Variants in RTF2 observed in about 807,000 individuals in gnomAD.
The protein encoded by RTF2 is replication termination factor 2.
A neutral mutation model predicts 38.0 loss-of-function variants in RTF2; 18 were observed. The observed-to-expected ratio is 0.47, with a 90% CI of 0.33 to 0.70. The LOEUF is 0.70. Ranked by LOEUF, RTF2 falls within the 30% of genes least tolerant of loss-of-function variation. The pLI, the probability that RTF2 is intolerant of heterozygous loss-of-function variation, is 0.02. For missense variants in RTF2, 311 were observed against 379.6 expected (o/e 0.82, Z 1.50); for synonymous variants, 126 against 137.1 (o/e 0.92, Z 0.57).
chr20:56,478,837 CCTT>C (rs1178646653), intron 4 of RTF2, among the ~76,000 whole-genome samples: 2 of 152,174 alleles, frequency 1.3e-5, no homozygotes, highest in African/African-American at 2.4e-5. Flanking sequence ...CCACAGTAGA[CCTT>C]CTTTCAAAAT....
At position 56,497,241 on chromosome 20, in the gene RTF2, A is replaced by T. The variant is rs758002318; in HGVS notation, c.477+13052A>T. The stretch of plus-strand genomic sequence containing the variant: ...AATAGCTCTGAGAAGCTGCACAAAC[A>T]TGGCCAGCTCCTTATGAATAGTTAT... On this transcript the variant is annotated intron_variant, in intron 5 of 8. Coordinates refer to ENST00000357348, the MANE Select transcript of RTF2 (RefSeq NM_016407.5). 4 of 1,551,856 alleles carry T rather than the reference A, an allele frequency of 2.6e-6. No individual in the cohort carries two copies. The South Asian group carries it at 4.8e-5, about 18-fold the overall frequency.
In RTF2 at chr20:56,506,232, T is replaced by C. The variant is rs374541381; in HGVS notation, c.478-7083T>C. On this transcript the variant is annotated intron_variant, in intron 5 of 8. Transcript: ENST00000357348. ...AACATGAAGACAAAATGCTTCCTGCTTGGGGCTAACAGTGTAGTGGAGGAA... is the reference window on the plus strand; with the variant it reads ...AACATGAAGACAAAATGCTTCCTGCCTGGGGCTAACAGTGTAGTGGAGGAA... Among the ~76,000 whole-genome samples the C allele has an allele frequency of 3.3e-5, 5 of 152,320 alleles. 1 individual carries two copies. Among genetic ancestry groups the C allele is most frequent in the East Asian group, 1.9e-4 (1 of 5,186 alleles).
chr20:56,477,499 C>A (rs1006725025), intron 4 of RTF2, among the ~76,000 whole-genome samples: 1 of 152,064 alleles, frequency 6.6e-6, no homozygotes, highest in Non-Finnish European at 1.5e-5. Context: ...ATCCCATTTC[C>A]TTCCTGTTAC....
chr20:56,518,225 A>G lies in RTF2; in HGVS notation c.881A>G (p.Glu294Gly). The G allele has an allele frequency of 1.2e-6, 2 of 1,613,998 alleles. No homozygotes were observed. The highest frequency in any genetic ancestry group is 1.7e-6 in the Non-Finnish European group (2 of 1,179,952). ...AGCTCCGCCAAGCGCTCCAAGGAGG[A>G]GTCTGCCCACTGGGTCACCCACACG... Reference protein sequence around the residue: ...THSSAKRSKEESAHWVTHTSY... With the variant: ...THSSAKRSKEGSAHWVTHTSY... Residue 294 changes from glutamate (E) to glycine (G), a missense_variant, in exon 9 of 9, where the codon GAG becomes GGG. Physicochemically the swap from Glu to Gly is moderately conservative, Grantham distance 98 (BLOSUM62 -2). Transcript: ENST00000357348.
chr20:56,470,896 T>C (rs572102509), intron 1 of RTF2: 1 of 273,970 alleles, frequency 3.7e-6, no homozygotes, highest in South Asian at 3.5e-5. Context: ...TTTATCTGGC[T>C]ATTTATTTGT....
rs917511960 is a variant in RTF2, at chr20:56,491,698, G to A, written c.477+7509G>A. 2.0e-5 allele frequency: 31 copies of A among 1,552,136 alleles called. 1 individual carries two copies. The African/African-American group carries it at 2.5e-4, about 12-fold the overall frequency. ...CCACAAGCGGGTCTGTCGAGGGTTC[G>A]AATTTGTTGGCAAACAGAGAAGGCG... On this transcript the variant is annotated intron_variant, in intron 5 of 8. Transcript: ENST00000357348.
chr20:56,510,785 C>CA (rs1272834150), intron 5 of RTF2, among the ~76,000 whole-genome samples: 1 of 151,982 alleles, frequency 6.6e-6, no homozygotes, highest in African/African-American at 2.4e-5. Context: ...ACAAAAAATA[C>CA]AAAAATTAGC....
At chr20:56,504,041 A>G (rs1261475311) in intron 5 of RTF2, 3 of 152,216 alleles carry the variant, frequency 2.0e-5, no homozygotes, top group Admixed American at 1.3e-4. Flanking sequence ...CTGCATAGCT[A>G]TTGAGACGCT....
In RTF2 at chr20:56,518,107, G is replaced by A; in HGVS notation, c.763G>A (p.Gly255Arg). Residue 255 changes from glycine to arginine, a missense_variant, in exon 9 of 9, where the codon GGA (glycine) becomes AGA (arginine). Transcript: ENST00000357348. The part of the protein sequence containing the change: ...KSTAMNESSS[G>R]KAGKPPCGAT... ...TCTAGCAATGAATGAGAGCTCTTCTGGAAAAGCTGGGAAGCCTCCGTGTGG... is the reference window on the plus strand; with the variant it reads ...TCTAGCAATGAATGAGAGCTCTTCTAGAAAAGCTGGGAAGCCTCCGTGTGG... 6.2e-7 allele frequency: 1 copy of A among 1,611,106 alleles called. No homozygotes were observed. Among genetic ancestry groups the A allele is most frequent in the Non-Finnish European group, 8.5e-7 (1 of 1,179,180 alleles).
At chr20:56,480,454 A>T (rs1282705016) in intron 4 of RTF2, among the ~76,000 whole-genome samples, 1 of 152,332 alleles carries the variant, frequency 6.6e-6, no homozygotes, top group South Asian at 2.1e-4. Flanking sequence ...AACTTTCTTC[A>T]TATCAGCAAT....
At chr20:56,483,154 C>T (rs192569251) in intron 4 of RTF2, among the ~76,000 whole-genome samples, 11 of 152,236 alleles carry the variant, frequency 7.2e-5, no homozygotes, top group African/African-American at 2.6e-4. Flanking sequence ...TGCTATACTA[C>T]ACAACTTCCT....
At chr20:56,503,629 T>C (rs1424894443) in intron 5 of RTF2, among the ~76,000 whole-genome samples, 1 of 152,182 alleles carries the variant, frequency 6.6e-6, no homozygotes, top group Non-Finnish European at 1.5e-5. Context: ...TTCTAATATT[T>C]TAAAACCACA....
intron 5 of RTF2, chr20:56,496,505 GCCACTGCACT>G: frequency 1.1e-6 from 1 of 943,424 alleles, no homozygotes; most frequent in Non-Finnish European, 1.5e-6. Flanking sequence ...CCGAGATCGC[GCCACTGCACT>G]CCAGCCTCGG....
At chr20:56,490,356 A>C (rs1473202055) in intron 5 of RTF2, among the ~76,000 whole-genome samples, 1 of 152,168 alleles carries the variant, frequency 6.6e-6, no homozygotes, top group Non-Finnish European at 1.5e-5. Context: ...ACTCTTTTAG[A>C]GAAGGAGGAT....
At chr20:56,494,510 C>G (rs1487215400) in intron 5 of RTF2, among the ~76,000 whole-genome samples, 2 of 152,192 alleles carry the variant, frequency 1.3e-5, no homozygotes, top group African/African-American at 4.8e-5. Context: ...CAGGGAGCCC[C>G]TGCTTTCTAA....
chr20:56,489,426 G>A (rs1449259000), intron 5 of RTF2, among the ~76,000 whole-genome samples: 1 of 152,120 alleles, frequency 6.6e-6, no homozygotes, highest in Non-Finnish European at 1.5e-5. Flanking sequence ...GGGGGCAGGT[G>A]TTTGTTTCAA....
chr20:56,513,529 C>A, intron 6 of RTF2, 101 bp downstream of exon 6: 1 of 1,449,638 alleles, frequency 6.9e-7, no homozygotes, highest in Non-Finnish European at 9.3e-7. Context: ...TTTGCATGAT[C>A]AAGGCGATTT....
chr20:56,483,612 G>C (rs938111995), intron 4 of RTF2, among the ~76,000 whole-genome samples: 1 of 152,100 alleles, frequency 6.6e-6, no homozygotes, highest in African/African-American at 2.4e-5. Flanking sequence ...TTACAAGTGT[G>C]AGCCACTGTG....
At chr20:56,484,079 A>G (rs768765736) in intron 4 of RTF2, 32 bp from the exon 5 acceptor site, 14 of 1,591,436 alleles carry the variant, frequency 8.8e-6, no homozygotes, top group South Asian at 7.7e-5. Context: ...TGTGATTAAT[A>G]CAGTCCTTCC....
Sources: allele counts gnomAD v4.1 joint callset (sites outside exome capture counted in the v4.1 genomes callset), GRCh38; gene constraint gnomAD v4.1.1; transcripts MANE v1.5; gene names NCBI Gene and HGNC (gene_info 2026-07-23, HGNC 2026-07-21).